Variants in PPARG observed in about 807,000 individuals in gnomAD.
PPARG encodes the protein peroxisome proliferator activated receptor gamma, also known as peroxisome proliferator-activated receptor gamma.
PPARG carries 17 observed loss-of-function variants against 39.2 expected under a neutral mutation model. The observed-to-expected ratio is 0.43, with a 90% CI of 0.30 to 0.65. PPARG has a LOEUF of 0.65. Ranked by LOEUF, PPARG falls within the 30% of genes least tolerant of loss-of-function variation. The pLI is 0.13. For missense variants in PPARG, 406 were observed against 585.9 expected (o/e 0.69, Z 3.17); for synonymous variants, 223 against 215.7 (o/e 1.03, Z -0.30).
chr3:12,361,556 A>G (rs2048848038), intron 2 of PPARG, among the ~76,000 whole-genome samples: 1 of 152,210 alleles, frequency 6.6e-6, no homozygotes, highest in Admixed American at 6.5e-5. Flanking sequence ...TATCTCTTTC[A>G]TGGGGATATC....
At chr3:12,431,119 C>T (rs886751627) in intron 7 of PPARG, among the ~76,000 whole-genome samples, 6 of 152,116 alleles carry the variant, frequency 3.9e-5, no homozygotes, top group African/African-American at 1.2e-4. Flanking sequence ...AGTGAATGTT[C>T]TGTCTTCTTG....
intron 4 of PPARG, among the ~76,000 whole-genome samples, chr3:12,392,236 T>A (rs930749643): frequency 1.3e-5 from 2 of 152,196 alleles, no homozygotes; most frequent in African/African-American, 2.4e-5. Flanking sequence ...TTACAAAGGC[T>A]GGGGCATGCT....
chr3:12,417,207 G>A (rs956283010), intron 7 of PPARG, 53 bp downstream of exon 7: 1 of 1,572,982 alleles, frequency 6.4e-7, no homozygotes, highest in Non-Finnish European at 8.7e-7. Flanking sequence ...ATGGTGGGGT[G>A]GCCAAAAGAA....
intron 4 of PPARG, among the ~76,000 whole-genome samples, chr3:12,381,965 A>G (rs990490562): frequency 3.3e-5 from 5 of 152,130 alleles, no homozygotes; most frequent in Non-Finnish European, 7.4e-5. Flanking sequence ...GTAATATTGT[A>G]TAGACAGAAG....
intron 2 of PPARG, among the ~76,000 whole-genome samples, chr3:12,343,820 T>C (rs1306037970): frequency 6.6e-6 from 1 of 151,054 alleles, no homozygotes; most frequent in African/African-American, 2.5e-5. Context: ...TCTGAGCTTG[T>C]TTCCTTTTTG....
intron 2 of PPARG, among the ~76,000 whole-genome samples, chr3:12,354,469 G>A (rs2048591968): frequency 7.1e-6 from 1 of 140,514 alleles, no homozygotes; most frequent in African/African-American, 2.5e-5. Context: ...GAAAAGGCTG[G>A]GTACAGTGGC....
At chr3:12,360,249 G>A (rs576951980) in intron 2 of PPARG, among the ~76,000 whole-genome samples, 41 of 152,188 alleles carry the variant, frequency 2.7e-4, no homozygotes, top group Non-Finnish European at 5.3e-4. Context: ...GGCCTCAAGT[G>A]GTCCTCCCAT....
rs536453287 is a variant in PPARG, at chr3:12,336,747, G to A, written c.-9+24294G>A. On this transcript the variant is annotated intron_variant, in intron 2 of 7. Coordinates refer to ENST00000651735, the MANE Select transcript of PPARG (RefSeq NM_138711.6). ...GTTATGAGCAACTGATTATTTAGCT[G>A]GGAAAAGAAGGTAAGGAAGAAGAAT... Among the ~76,000 whole-genome samples, 8 of 152,218 alleles carry A rather than the reference G, an allele frequency of 5.3e-5. No individual in the cohort carries two copies. In the South Asian group the frequency reaches 1.0e-3, roughly 20 times the overall value.
chr3:12,316,614 TA>T (rs1165376009), intron 2 of PPARG, among the ~76,000 whole-genome samples: 66 of 144,702 alleles, frequency 4.6e-4, no homozygotes, highest in Middle Eastern at 3.5e-3. Context: ...TTTTAAAAAC[TA>T]AAAAAAAAAA....
intron 1 of PPARG, among the ~76,000 whole-genome samples, chr3:12,310,626 G>T (rs2047207431): frequency 1.6e-5 from 2 of 124,524 alleles, no homozygotes; most frequent in African/African-American, 2.9e-5. Context: ...ACTACGCCCG[G>T]CTAATTTTTT....
intron 2 of PPARG, among the ~76,000 whole-genome samples, chr3:12,342,425 A>T (rs191621459): frequency 1.3e-5 from 2 of 152,338 alleles, no homozygotes; most frequent in East Asian, 3.9e-4. Context: ...GAGCAAACCA[A>T]CTATAAAGAA....
At chr3:12,346,858 A>C (rs2048342437) in intron 2 of PPARG, among the ~76,000 whole-genome samples, 2 of 150,584 alleles carry the variant, frequency 1.3e-5, no homozygotes, top group African/African-American at 4.9e-5. Context: ...CTGGTCTCCA[A>C]CTCCTGGGCT....
At chr3:12,329,144 A>G (rs1344622899) in intron 2 of PPARG, among the ~76,000 whole-genome samples, 2 of 147,028 alleles carry the variant, frequency 1.4e-5, no homozygotes, top group African/African-American at 2.5e-5. Flanking sequence ...GTTAAAAACA[A>G]GGACAATAAA....
At chr3:12,348,804 A>G (rs1270219632) in intron 2 of PPARG, among the ~76,000 whole-genome samples, 1 of 152,242 alleles carries the variant, frequency 6.6e-6, no homozygotes, top group Non-Finnish European at 1.5e-5. Context: ...CAAAGTGCTG[A>G]CAACCCATTG....
chr3:12,341,164 C>T (rs1368932908), intron 2 of PPARG, among the ~76,000 whole-genome samples: 1 of 143,598 alleles, frequency 7.0e-6, no homozygotes, highest in Non-Finnish European at 1.5e-5. Flanking sequence ...GCCTGGGCAA[C>T]AGAGCGAGAC....
At chr3:12,379,148 A>G (rs1265968373) in intron 2 of PPARG, among the ~76,000 whole-genome samples, 1 of 151,944 alleles carries the variant, frequency 6.6e-6, no homozygotes, top group East Asian at 1.9e-4. Context: ...CTGGGATTAC[A>G]GGCGTGCTAC....
chr3:12,295,899 A>G (rs1375527848), intron 1 of PPARG, among the ~76,000 whole-genome samples: 3 of 152,178 alleles, frequency 2.0e-5, no homozygotes, highest in Non-Finnish European at 4.4e-5. Flanking sequence ...GAAGGCAGGT[A>G]CTGACTGAAT....
At chr3:12,379,618 C>G (rs1280983216) in intron 2 of PPARG, 86 bp from the exon 3 acceptor site, 1 of 1,291,656 alleles carries the variant, frequency 7.7e-7, no homozygotes, top group Non-Finnish European at 1.1e-6. Context: ...TTGCCAAAGA[C>G]TCTTTTCATT....
At chr3:12,423,414 T>C (rs539040442) in intron 7 of PPARG, among the ~76,000 whole-genome samples, 1 of 152,308 alleles carries the variant, frequency 6.6e-6, no homozygotes, top group South Asian at 2.1e-4. Context: ...GGAGTATTCA[T>C]CTCTCTTCCC....
Sources: allele counts gnomAD v4.1 joint callset (sites outside exome capture counted in the v4.1 genomes callset), GRCh38; gene constraint gnomAD v4.1.1; transcripts MANE v1.5; gene names NCBI Gene and HGNC (gene_info 2026-07-23, HGNC 2026-07-21).